Variants in ERBB2 observed in about 807,000 individuals in gnomAD.
ERBB2 encodes receptor tyrosine-protein kinase erbB-2.
ERBB2 carries 61 observed loss-of-function variants against 149.0 expected under a neutral mutation model. The observed-to-expected ratio is 0.41, with a 90% CI of 0.33 to 0.51. The LOEUF (loss-of-function observed/expected upper bound fraction) is 0.51, where lower values mean the gene tolerates loss of function less well. ERBB2 is among the 20% of genes least tolerant of loss of function. The pLI, the probability that ERBB2 is intolerant of heterozygous loss-of-function variation, is 0.25. For missense variants in ERBB2, 1,205 were observed against 1,655.1 expected, an observed-to-expected ratio of 0.73 and a Z score of 4.72; for synonymous variants, 633 against 678.8, an observed-to-expected ratio of 0.93 and a Z score of 1.05.
At position 39,726,572 on chromosome 17, in the gene ERBB2, T is replaced by G. The variant is rs767556375; in HGVS notation, c.2883T>G (p.Ile961Met). ...TCCCTCCTGCCCCAGGTTGGATGAT[T>G]GACTCTGAATGTCGGCCAAGATTCC... ...VYMIMVKCWM[I>M]DSECRPRFRE... The change falls in exon 24 of 27, where the codon ATT becomes ATG. Residue 961 changes from isoleucine (I) to methionine (M), a missense_variant. Ile to Met is a conservative substitution (Grantham distance 10). Around this residue, in one of 6 missense-constraint regions of ERBB2, gnomAD observed 63 missense variants for 74.2 expected, o/e 0.85. Coordinates refer to ENST00000269571, the MANE Select transcript of ERBB2 (RefSeq NM_004448.4). The surrounding 1 kb of genome is among the most constrained non-coding windows in gnomAD (Gnocchi z 5.1). The G allele has an allele frequency of 5.0e-6, 8 of 1,614,068 alleles. No individual in the cohort carries two copies. Among genetic ancestry groups the G allele is most frequent in the Non-Finnish European group, 6.8e-6 (8 of 1,179,948 alleles).
chr17:39,716,811 AAGG>A (rs949166936), intron 14 of ERBB2, among the ~76,000 whole-genome samples: 3 of 152,112 alleles, frequency 2.0e-5, no homozygotes, highest in African/African-American at 7.2e-5. Flanking sequence ...AAAAGGTTCT[AAGG>A]AGGTCTGTGT....
At chr17:39,699,482 C>G, upstream of ERBB2, 2 of 1,445,850 alleles carry the variant, frequency 1.4e-6, no homozygotes, top group Non-Finnish European at 1.8e-6. Context: ...AAAGTCCTTT[C>G]GATGTGACTG....
Position 39,725,694 on chromosome 17 carries a change from G to A in ERBB2, c.2726-13G>A, listed in dbSNP as rs2143057110. Reference sequence around the variant, plus strand: ...CTCTGGCCCTCCCACTCCTGACCCTGTCTCTGCCTTAGGTGTGACTGTGTG... The same window carrying A: ...CTCTGGCCCTCCCACTCCTGACCCTATCTCTGCCTTAGGTGTGACTGTGTG... On this transcript the variant is annotated splice_polypyrimidine_tract_variant and intron_variant, in intron 22 of 26. Coordinates refer to ENST00000269571, the MANE Select transcript of ERBB2 (RefSeq NM_004448.4). This position sits in a 1 kb window ranked among gnomAD's most constrained non-coding sequence, Gnocchi z 4.6. 18 of 1,603,864 alleles carry A rather than the reference G, an allele frequency of 1.1e-5. No homozygotes were observed. The highest frequency in any genetic ancestry group is 1.5e-5 in the Non-Finnish European group (18 of 1,174,540).
chr17:39,706,962 C>G (rs1336670260), intron 1 of ERBB2, 28 bp from the exon 2 acceptor site: 1 of 1,535,834 alleles, frequency 6.5e-7, no homozygotes, highest in African/African-American at 1.4e-5. Flanking sequence ...CGCCAGTGTC[C>G]TCTGACCCAT....
At chr17:39,688,604 C>T (rs2057617106) in intron 1 of ERBB2, 1 of 152,534 alleles carries the variant, frequency 6.6e-6, no homozygotes, top group Non-Finnish European at 1.5e-5. Context: ...CCCTCACTCC[C>T]TTGCTCCAGA....
chr17:39,715,279 C>T lies in ERBB2; in HGVS notation c.1149-7C>T, dbSNP rs2145629821. Reference sequence around the variant, plus strand: ...GGCCCTGCTGACTCCTCTCCTGACCCCTCCAGGGACCCAGCCTCCAACACT... The same window carrying T: ...GGCCCTGCTGACTCCTCTCCTGACCTCTCCAGGGACCCAGCCTCCAACACT... On this transcript the variant is annotated splice_polypyrimidine_tract_variant and splice_region_variant and intron_variant, in intron 9 of 26. Transcript: ENST00000269571. 6.2e-7 allele frequency: 1 copy of T among 1,613,798 alleles called. No homozygotes were observed. The highest frequency in any genetic ancestry group is 8.5e-7 in the Non-Finnish European group (1 of 1,179,810).
chr17:39,712,803 G>A (rs4252630), intron 9 of ERBB2, among the ~76,000 whole-genome samples: 3,937 of 152,284 alleles, frequency 0.026, 184 homozygotes, highest in African/African-American at 0.091. Context: ...ATTTGGTGAA[G>A]TTCTACTTAG....
In ERBB2 at chr17:39,705,841, T is replaced by TTG. The variant is rs4252602; in HGVS notation, c.74-1149_74-1148insTG. 2.8e-3 allele frequency among the ~76,000 whole-genome samples: 419 copies of TTG among 152,270 alleles called. 8 individuals are homozygous for TTG. Among genetic ancestry groups the TTG allele is most frequent in the Admixed American group, 0.026 (393 of 15,294 alleles). ...TGTCCCTGAATCTGCATGTAGCCTGTGGGAGGCGGAGCAGTGACCGGCAGG... is the reference window on the plus strand; with the variant it reads ...TGTCCCTGAATCTGCATGTAGCCTGTTGGGGAGGCGGAGCAGTGACCGGCAGG... On this transcript the variant is annotated intron_variant, in intron 1 of 26. Transcript: ENST00000269571.
intron 8 of ERBB2, 97 bp from the exon 9 acceptor site, chr17:39,712,225 T>C (rs766835592): frequency 6.4e-7 from 1 of 1,555,216 alleles, no homozygotes; most frequent in East Asian, 2.3e-5. Context: ...CCTGTCAGTG[T>C]GGGGAGGGGC....
upstream of ERBB2, among the ~76,000 whole-genome samples, chr17:39,691,069 G>T (rs1409031323): frequency 6.6e-6 from 1 of 151,878 alleles, no homozygotes; most frequent in Non-Finnish European, 1.5e-5. Flanking sequence ...TGTGCTAAAG[G>T]CTCAACGGCA....
chr17:39,706,325 G>T (rs1396221793), intron 1 of ERBB2, among the ~76,000 whole-genome samples: 1 of 152,214 alleles, frequency 6.6e-6, no homozygotes, highest in Non-Finnish European at 1.5e-5. Flanking sequence ...CTTCACCCTG[G>T]CCTGGGATCT....
intron 1 of ERBB2, among the ~76,000 whole-genome samples, chr17:39,705,915 C>G (rs1042455530): frequency 2.0e-5 from 3 of 152,128 alleles, no homozygotes; most frequent in Non-Finnish European, 4.4e-5. Flanking sequence ...CCCTCTGCCC[C>G]CACCCTTCCG....
intron 1 of ERBB2, among the ~76,000 whole-genome samples, chr17:39,705,880 T>C (rs1454205815): frequency 1.3e-5 from 2 of 152,146 alleles, no homozygotes; most frequent in Non-Finnish European, 1.5e-5. Flanking sequence ...TCTGGGCAGC[T>C]CAGGCACCTG....
At chr17:39,705,591 T>C (rs1010966052) in intron 1 of ERBB2, among the ~76,000 whole-genome samples, 3 of 152,112 alleles carry the variant, frequency 2.0e-5, no homozygotes, top group African/African-American at 7.2e-5. Flanking sequence ...CTTATCTGCC[T>C]AGAGAGGTGG....
chr17:39,728,064 A>C lies in ERBB2; in HGVS notation c.*20A>C, dbSNP rs1228882020. The C allele has an allele frequency of 6.5e-7, 1 of 1,531,984 alleles. No individual in the cohort carries two copies. The highest frequency in any genetic ancestry group is 1.4e-5 in the African/African-American group (1 of 73,472). The allele number at this position is 1,531,984 out of a possible 1,614,324, so 94.9% of individuals were successfully genotyped here. On this transcript the variant is annotated 3_prime_UTR_variant, in exon 27 of 27. Coordinates refer to ENST00000269571, the MANE Select transcript of ERBB2 (RefSeq NM_004448.4). Reference sequence around the variant, plus strand: ...GTGTGAACCAGAAGGCCAAGTCCGCAGAAGCCCTGATGTGTCCTCAGGGAG... The same window carrying C: ...GTGTGAACCAGAAGGCCAAGTCCGCCGAAGCCCTGATGTGTCCTCAGGGAG...
chr17:39,715,180 G>C (rs1176652588), intron 9 of ERBB2, 106 bp from the exon 10 acceptor site: 1 of 924,012 alleles, frequency 1.1e-6, no homozygotes, highest in Non-Finnish European at 1.7e-6. Context: ...ATGGGCAAAG[G>C]GTTTGAGTGA....
In ERBB2 at chr17:39,725,198, G is replaced by C. The variant is rs1255290395; in HGVS notation, c.2643G>C (p.Gly881=). The C allele has an allele frequency of 1.9e-6, 3 of 1,614,088 alleles. No individual in the cohort carries two copies. Among genetic ancestry groups the C allele is most frequent in the Non-Finnish European group, 2.5e-6 (3 of 1,180,042 alleles). ...DIDETEYHAD[G]GKVPIKWMAL... ...ACGAGACAGAGTACCATGCAGATGG[G>C]GGCAAGGTTAGGTGAAGGACCAAGG... Residue 881 remains glycine (G), a synonymous_variant, in exon 21 of 27, where the codon GGG becomes GGC. Transcript: ENST00000269571. This position sits in a 1 kb window ranked among gnomAD's most constrained non-coding sequence, Gnocchi z 4.6.
rs1375903833 is a variant in ERBB2 at position 39,723,894 on chromosome 17, C to G, written c.2209-18C>G. 2.5e-6 allele frequency: 4 copies of G among 1,602,234 alleles called. No individual in the cohort carries two copies. The highest frequency in any genetic ancestry group is 3.4e-6 in the Non-Finnish European group (4 of 1,169,286). On this transcript the variant is annotated intron_variant, in intron 18 of 26. Coordinates refer to ENST00000269571, the MANE Select transcript of ERBB2 (RefSeq NM_004448.4). The surrounding 1 kb of genome is among the most constrained non-coding windows in gnomAD (Gnocchi z 6.2). Reference sequence around the variant, plus strand: ...CAGCCCACGCTCTTCTCACTCATATCCTCCTCTTTCTGCCCAGGGCATCTG... The same window carrying G: ...CAGCCCACGCTCTTCTCACTCATATGCTCCTCTTTCTGCCCAGGGCATCTG...
In ERBB2 at chr17:39,727,302, G is replaced by A. The variant is rs1479305772; in HGVS notation, c.3167G>A (p.Gly1056Asp). The A allele has an allele frequency of 6.2e-7, 1 of 1,612,678 alleles. No homozygotes were observed. The highest frequency in any genetic ancestry group is 1.3e-5 in the African/African-American group (1 of 74,840). The change falls in exon 26 of 27, where the codon GGT becomes GAT. Residue 1056 changes from glycine (G) to aspartate (D), a missense_variant. Gly to Asp is a moderately conservative substitution (Grantham distance 94, BLOSUM62 -1). Coordinates refer to ENST00000269571, the MANE Select transcript of ERBB2 (RefSeq NM_004448.4). The surrounding 1 kb of genome is among the most constrained non-coding windows in gnomAD (Gnocchi z 4.3). The part of the protein sequence containing the change: ...RHRSSSTRSG[G>D]GDLTLGLEPS... Reference sequence around the variant, plus strand: ...TTTCTTTCTTGTCCCCAGAGTGGCGGTGGGGACCTGACACTAGGGCTGGAG... The same window carrying A: ...TTTCTTTCTTGTCCCCAGAGTGGCGATGGGGACCTGACACTAGGGCTGGAG...
Sources: allele counts gnomAD v4.1 joint callset (sites outside exome capture counted in the v4.1 genomes callset), GRCh38; gene constraint gnomAD v4.1.1; regional missense constraint gnomAD v4.1.1; non-coding constraint Gnocchi (gnomAD v3.1); transcripts MANE v1.5; gene names NCBI Gene and HGNC (gene_info 2026-07-23, HGNC 2026-07-21).